Variants in VPS37C observed in about 807,000 individuals in gnomAD.
The protein encoded by VPS37C is VPS37C subunit of ESCRT-I, also known as vacuolar protein sorting-associated protein 37C.
A neutral mutation model predicts 16.1 loss-of-function variants in VPS37C; 9 were observed. The observed-to-expected ratio is 0.56, with a 90% confidence interval of 0.34 to 0.97. The LOEUF is 0.97. VPS37C is among the 50% of genes least tolerant of loss of function. The pLI is 0.02. For missense variants in VPS37C, 479 were observed against 472.7 expected (o/e 1.01, Z -0.12); for synonymous variants, 207 against 206.4 (o/e 1.00, Z -0.02).
chr11:61,144,638 C>T (rs1224275293), intron 1 of VPS37C: 1 of 152,434 alleles, frequency 6.6e-6, no homozygotes, highest in African/African-American at 2.4e-5. Flanking sequence ...CAATGCACAT[C>T]ACAGAGGGAG....
chr11:61,141,367 CAAA>C (rs1242030018), intron 1 of VPS37C, among the ~76,000 whole-genome samples: 1 of 126,430 alleles, frequency 7.9e-6, no homozygotes, highest in African/African-American at 3.0e-5. Flanking sequence ...GACTCGGTCT[CAAA>C]AAAAAAAAAA....
chr11:61,151,437 G>A (rs558805752), intron 1 of VPS37C, among the ~76,000 whole-genome samples: 2 of 152,336 alleles, frequency 1.3e-5, no homozygotes, highest in East Asian at 3.9e-4. Flanking sequence ...GGGATTAAAG[G>A]CTCTGAATCT....
In VPS37C at chr11:61,131,621, G is replaced by C; in HGVS notation, c.*199C>G. ...CACTGAAAGGAGGGGCTTCCAGGAG[G>C]ACCTCTGGCCAGAAGGCCAGCAAGT... On this transcript the variant is annotated 3_prime_UTR_variant, in exon 5 of 5. Coordinates refer to ENST00000301765, the MANE Select transcript of VPS37C (RefSeq NM_017966.5). 1 of 711,388 alleles carries C rather than the reference G, an allele frequency of 1.4e-6. No homozygotes were observed. Among genetic ancestry groups the C allele is most frequent in the Admixed American group, 4.3e-5 (1 of 23,044 alleles). The allele number at this position is 711,388 out of a possible 1,614,324, so 44.1% of individuals were successfully genotyped here.
intron 1 of VPS37C, among the ~76,000 whole-genome samples, chr11:61,139,429 C>T (rs890346862): frequency 2.1e-5 from 3 of 143,986 alleles, no homozygotes; most frequent in South Asian, 4.8e-4. Flanking sequence ...GTCATATGCG[C>T]ATCCTCATAG....
chr11:61,142,877 C>T (rs997829415), intron 1 of VPS37C, among the ~76,000 whole-genome samples: 8 of 141,872 alleles, frequency 5.6e-5, no homozygotes, highest in East Asian at 4.4e-4. Context: ...GTGGGTGCAG[C>T]GCACCAGCAT....
Position 61,132,171 on chromosome 11 carries a change from C to A in VPS37C, c.717G>T (p.Gly239=). ...CTGCCGGGTAAGTGGGGCCCAGAGG[C>A]CCGCTGTAGAAGGAGGGCTGGGACA... ...PVVSQPSFYS[G]PLGPTYPAAQ... is the part of the protein sequence containing the mutation. Residue 239 remains glycine (G), a synonymous_variant, in exon 5 of 5, where the codon GGG becomes GGT. Transcript: ENST00000301765. 1 of 1,470,936 alleles carries A rather than the reference C, an allele frequency of 6.8e-7. No homozygotes were observed. The highest frequency in any genetic ancestry group is 1.4e-5 in the African/African-American group (1 of 70,372). 91.1% of individuals were successfully genotyped at this position (1,470,936 alleles called of 1,614,324 possible).
chr11:61,146,716 A>T lies in VPS37C; in HGVS notation c.-6-7881T>A, dbSNP rs930140581. 2.6e-5 allele frequency among the ~76,000 whole-genome samples: 4 copies of T among 152,344 alleles called. 1 individual carries two copies. The highest frequency in any genetic ancestry group is 6.8e-3 in the Middle Eastern group (2 of 294). ...GAACAAGGTGAGAAAGCTATGCGTG[A>T]GCCAGTCTGCGTTCCTTGCACAGAG... On this transcript the variant is annotated intron_variant, in intron 1 of 4. Transcript: ENST00000301765.
chr11:61,133,993 A>G, intron 3 of VPS37C, 43 bp downstream of exon 3: 1 of 1,583,210 alleles, frequency 6.3e-7, no homozygotes, highest in Middle Eastern at 1.7e-4. Flanking sequence ...GCCTCCGTCC[A>G]ACCCTGAATG....
chr11:61,147,597 A>G (rs889103678), intron 1 of VPS37C, among the ~76,000 whole-genome samples: 1 of 131,436 alleles, frequency 7.6e-6, no homozygotes, highest in Non-Finnish European at 1.5e-5. Flanking sequence ...TTTATCGGGG[A>G]AAAAAAAAGT....
chr11:61,153,211 C>A (rs770943341), intron 1 of VPS37C, among the ~76,000 whole-genome samples: 3 of 152,164 alleles, frequency 2.0e-5, no homozygotes, highest in African/African-American at 7.2e-5. Context: ...ATCATGGGGG[C>A]GGTTCCCCCA....
chr11:61,146,925 G>T (rs371805693), intron 1 of VPS37C, among the ~76,000 whole-genome samples: 5 of 152,234 alleles, frequency 3.3e-5, no homozygotes, highest in African/African-American at 1.2e-4. Context: ...GGCAGAGTGT[G>T]TATGGCTGGA....
intron 1 of VPS37C, among the ~76,000 whole-genome samples, chr11:61,146,136 G>A (rs1348506480): frequency 1.3e-5 from 2 of 152,250 alleles, no homozygotes; most frequent in East Asian, 1.9e-4. Flanking sequence ...CACTGAAGAC[G>A]TGGGGACAGA....
intron 1 of VPS37C, among the ~76,000 whole-genome samples, chr11:61,152,733 C>T (rs1299961857): frequency 6.6e-6 from 1 of 152,196 alleles, no homozygotes; most frequent in Non-Finnish European, 1.5e-5. Context: ...CTTCCAGTCA[C>T]TTGACATATA....
rs746081793 is a variant in VPS37C at position 61,138,744 on chromosome 11, G to A, written c.86C>T (p.Ser29Phe). Residue 29 changes from serine to phenylalanine, a missense_variant, in exon 2 of 5, where the codon TCC (serine) becomes TTC (phenylalanine). Ser to Phe is a radical substitution (Grantham distance 155). Coordinates refer to ENST00000301765, the MANE Select transcript of VPS37C (RefSeq NM_017966.5). ...SEAIDQLALESPEVQDLQLER... is the reference protein window; with the variant it reads ...SEAIDQLALEFPEVQDLQLER... ...ATACCAGCCTCCCTCTACCTCAGGG[G>A]ACTCCAGGGCCAGCTGGTCAATCGC... 6.2e-7 allele frequency: 1 copy of A among 1,613,930 alleles called. No individual in the cohort carries two copies. Among genetic ancestry groups the A allele is most frequent in the Non-Finnish European group, 8.5e-7 (1 of 1,180,006 alleles).
chr11:61,150,974 AT>A (rs1853289980), intron 1 of VPS37C, among the ~76,000 whole-genome samples: 1 of 152,168 alleles, frequency 6.6e-6, no homozygotes, highest in Non-Finnish European at 1.5e-5. Context: ...AACTAAGGTA[AT>A]CCTCACCGCT....
At chr11:61,136,187 A>ATT (rs1265733303) in intron 2 of VPS37C, among the ~76,000 whole-genome samples, 2 of 131,160 alleles carry the variant, frequency 1.5e-5, no homozygotes, top group East Asian at 4.4e-4. Context: ...TTTTTTTGAG[A>ATT]CAGAGTTTCG....
At chr11:61,158,178 T>C (rs1853407905) in intron 1 of VPS37C, among the ~76,000 whole-genome samples, 1 of 152,200 alleles carries the variant, frequency 6.6e-6, no homozygotes, top group East Asian at 1.9e-4. Flanking sequence ...ACACGGAATA[T>C]AATACTCATA....
Position 61,133,422 on chromosome 11 carries a change from T to C in VPS37C, c.266-85A>G, listed in dbSNP as rs2134627074. 20 of 1,356,716 alleles carry C rather than the reference T, an allele frequency of 1.5e-5. No individual in the cohort carries two copies. The South Asian group carries it at 2.5e-4, about 17-fold the overall frequency. 84.0% of individuals were successfully genotyped at this position (1,356,716 alleles called of 1,614,324 possible). ...GCACTTTGCATACCCTCTGTGTGCA[T>C]CCAGGCCCAGCCACCACAGCAGGGT... On this transcript the variant is annotated intron_variant, in intron 3 of 4. Transcript: ENST00000301765.
At chr11:61,141,257 A>G (rs1006059543) in intron 1 of VPS37C, among the ~76,000 whole-genome samples, 2 of 151,282 alleles carry the variant, frequency 1.3e-5, no homozygotes, top group Admixed American at 6.6e-5. Flanking sequence ...AATCCCAGTT[A>G]CTCCGGAGGC....
Sources: gnomAD v4.1 joint callset for allele counts (sites outside exome capture counted in the v4.1 genomes callset) on GRCh38, gnomAD v4.1.1 for gene constraint, MANE v1.5 for transcripts, NCBI Gene and HGNC (gene_info 2026-07-23, HGNC 2026-07-21) for gene names.